Variants in RIMS2 observed in about 807,000 individuals in gnomAD.
The protein encoded by RIMS2 is regulating synaptic membrane exocytosis protein 2.
RIMS2 carries 59 observed loss-of-function variants against 174.4 expected under a neutral mutation model. The observed-to-expected ratio is 0.34, with a 90% confidence interval of 0.27 to 0.42. The LOEUF is 0.42. Among genes scored for constraint, RIMS2 ranks in the 10% least tolerant of loss-of-function variants. RIMS2 has a pLI of 1.00. For missense variants in RIMS2, 1,620 were observed against 1,666.3 expected, an observed-to-expected ratio of 0.97 and a Z score of 0.48; for synonymous variants, 606 against 572.5, an observed-to-expected ratio of 1.06 and a Z score of -0.84.
intron 19 of RIMS2, among the ~76,000 whole-genome samples, chr8:104,019,965 A>G (rs2096043510): frequency 6.6e-6 from 1 of 152,140 alleles, no homozygotes; most frequent in Non-Finnish European, 1.5e-5. Flanking sequence ...TCATTAAGAT[A>G]AAGAAGCCCA....
intron 19 of RIMS2, among the ~76,000 whole-genome samples, chr8:104,098,800 C>T (rs1029154065): frequency 6.6e-6 from 1 of 152,122 alleles, no homozygotes; most frequent in Non-Finnish European, 1.5e-5. Flanking sequence ...TATTCTAGAT[C>T]AGAGTTAGTG....
intron 19 of RIMS2, among the ~76,000 whole-genome samples, chr8:104,189,913 T>TTCACATCATCTTCAAGGGTC (rs2098989061): frequency 2.0e-5 from 3 of 151,998 alleles, no homozygotes; most frequent in African/African-American, 7.2e-5. Flanking sequence ...ATTGAATCTT[T>TTCACATCATCTTCAAGGGTC]TCACATCATC....
chr8:104,148,936 A>T (rs2098667425), intron 19 of RIMS2, 88 bp downstream of exon 25: 1 of 1,297,832 alleles, frequency 7.7e-7, no homozygotes, highest in African/African-American at 1.5e-5. Flanking sequence ...TATTGCAGTA[A>T]TGTGTGGATG....
intron 3 of RIMS2, among the ~76,000 whole-genome samples, chr8:103,793,360 G>A (rs1325555867): frequency 6.6e-6 from 1 of 152,068 alleles, no homozygotes; most frequent in South Asian, 2.1e-4. Context: ...TGCAGAAAAG[G>A]CCTTCGAGAA....
chr8:104,190,217 A>G (rs950660829), intron 19 of RIMS2, among the ~76,000 whole-genome samples: 5 of 152,054 alleles, frequency 3.3e-5, no homozygotes, highest in African/African-American at 1.2e-4. Flanking sequence ...TGGGAGAATC[A>G]TTTGAGCCAA....
intron 16 of RIMS2, among the ~76,000 whole-genome samples, chr8:103,978,477 TAGAC>T (rs2093633385): frequency 6.8e-6 from 1 of 148,072 alleles, no homozygotes; most frequent in South Asian, 2.1e-4. Context: ...CACTTTGAAT[TAGAC>T]AGTCTGTACT....
chr8:103,855,277 C>T (rs2099021649), intron 3 of RIMS2, among the ~76,000 whole-genome samples: 1 of 151,524 alleles, frequency 6.6e-6, no homozygotes, highest in African/African-American at 2.4e-5. Flanking sequence ...ATCTATCAAT[C>T]TTGTTTATTT....
At chr8:103,680,480 T>C (rs2096866553) in intron 1 of RIMS2, among the ~76,000 whole-genome samples, 1 of 152,036 alleles carries the variant, frequency 6.6e-6, no homozygotes, top group Non-Finnish European at 1.5e-5. Context: ...GGTAAGATTG[T>C]TCTGTTTTGT....
At chr8:103,808,191 T>C (rs2098663085) in intron 3 of RIMS2, among the ~76,000 whole-genome samples, 1 of 152,118 alleles carries the variant, frequency 6.6e-6, no homozygotes, top group Non-Finnish European at 1.5e-5. Context: ...TGGCAGAATA[T>C]ATAACAGAGT....
intron 1 of RIMS2, among the ~76,000 whole-genome samples, chr8:103,528,402 C>A (rs1203064088): frequency 6.6e-6 from 1 of 152,080 alleles, no homozygotes; most frequent in African/African-American, 2.4e-5. Context: ...TTAATTAGAT[C>A]CCATTTGTCA....
chr8:103,792,569 A>T (rs1233479137), intron 3 of RIMS2, among the ~76,000 whole-genome samples: 1 of 152,022 alleles, frequency 6.6e-6, no homozygotes, highest in Non-Finnish European at 1.5e-5. Flanking sequence ...AATAACTAAG[A>T]TCAGAGCAGA....
At chr8:103,995,706 C>G (rs2095048524) in intron 17 of RIMS2, among the ~76,000 whole-genome samples, 1 of 151,838 alleles carries the variant, frequency 6.6e-6, no homozygotes, top group Non-Finnish European at 1.5e-5. Context: ...TAGTAAGGTA[C>G]CTATGTGATC....
chr8:103,704,994 T>C (rs2097208464), intron 2 of RIMS2, among the ~76,000 whole-genome samples: 1 of 151,922 alleles, frequency 6.6e-6, no homozygotes, highest in Non-Finnish European at 1.5e-5. Context: ...TTTATTAATA[T>C]TGGGCTTGAT....
chr8:103,942,879 T>A (rs2082856671), exon 14 of RIMS2: 2 of 1,613,560 alleles, frequency 1.2e-6, no homozygotes, highest in Non-Finnish European at 1.7e-6. Flanking sequence ...TCTCCATATA[T>A]GCCACGAAGA....
intron 1 of RIMS2, among the ~76,000 whole-genome samples, chr8:103,581,940 A>G (rs112021257): frequency 0.012 from 1,767 of 152,264 alleles, 48 homozygotes; most frequent in African/African-American, 0.041. Context: ...ACATACTGAG[A>G]CACCACTGGT....
intron 19 of RIMS2, among the ~76,000 whole-genome samples, chr8:104,244,458 T>C (rs2099319749): frequency 2.6e-5 from 4 of 152,180 alleles, no homozygotes; most frequent in Admixed American, 2.6e-4. Context: ...ACTCACCATC[T>C]GTTTCTTTGT....
chr8:103,611,416 G>A (rs2095362472), intron 1 of RIMS2, among the ~76,000 whole-genome samples: 1 of 152,042 alleles, frequency 6.6e-6, no homozygotes, highest in East Asian at 1.9e-4. Context: ...GTTTTCAGAT[G>A]ATTTCTTCTT....
chr8:103,507,284 A>T (rs763721359), intron 1 of RIMS2, among the ~76,000 whole-genome samples: 1 of 152,022 alleles, frequency 6.6e-6, no homozygotes, highest in Non-Finnish European at 1.5e-5. Context: ...AATACCTTTT[A>T]TATTTCCCCA....
At position 103,717,279 on chromosome 8, in the gene RIMS2, G is replaced by A. The variant is rs188743610; in HGVS notation, c.387+19983G>A. Among the ~76,000 whole-genome samples the A allele has an allele frequency of 1.2e-3, 177 of 148,562 alleles. 5 individuals are homozygous for A. In the South Asian group the frequency reaches 0.036, roughly 30 times the overall value. On this transcript the variant is annotated intron_variant, in intron 2 of 23. Coordinates refer to ENST00000504942, the Ensembl canonical transcript of RIMS2. The stretch of plus-strand genomic sequence containing the variant: ...AATAAAATCTCTTAGTAGAAAAAAG[G>A]TTACTGCAATTTCTTTCTTTTTCTT...
Sources: gnomAD v4.1 joint callset for allele counts (sites outside exome capture counted in the v4.1 genomes callset) on GRCh38, gnomAD v4.1.1 for gene constraint, MANE v1.5 for transcripts, NCBI Gene and HGNC (gene_info 2026-07-23, HGNC 2026-07-21) for gene names.